The following NCAM2 variants were observed in gnomAD, a reference collection of about 807,000 sequenced individuals.
NCAM2 encodes the protein neural cell adhesion molecule 2.
A neutral mutation model predicts 98.1 loss-of-function variants in NCAM2; 30 were observed. That is an observed-to-expected ratio of 0.31 (90% CI 0.23 to 0.41). The LOEUF (loss-of-function observed/expected upper bound fraction) is 0.41. Ranked by LOEUF, NCAM2 falls within the 10% of genes least tolerant of loss-of-function variation. The probability of loss-of-function intolerance (pLI) is 1.00; values close to 1 mark genes in which losing one functional copy is unlikely to be tolerated. For missense variants in NCAM2, 867 were observed against 1,005.8 expected (o/e 0.86, Z 1.87); for synonymous variants, 368 against 342.4 (o/e 1.07, Z -0.83).
Position 20,998,418 on chromosome 21 carries a change from G to A in NCAM2, c.-146G>A, listed in dbSNP as rs2063956625. 9.3e-6 allele frequency: 6 copies of A among 644,080 alleles called. 1 individual carries two copies. The South Asian group carries it at 1.4e-4, about 15-fold the overall frequency. The allele number at this position is 644,080 out of a possible 1,614,324, so 39.9% of individuals were successfully genotyped here. A position where few individuals can be genotyped will look rare whatever the true frequency, so the allele number is the denominator to read the frequency against. ...AGCGGAGCTTGCAGTCACTTTGCGA[G>A]GAGGAGCGCGCGGGCTGCGGGCGGC... On this transcript the variant is annotated 5_prime_UTR_variant, in exon 1 of 18. Transcript: ENST00000400546.
chr21:21,326,662 A>C (rs2074519065), intron 6 of NCAM2, among the ~76,000 whole-genome samples: 1 of 152,142 alleles, frequency 6.6e-6, no homozygotes, highest in South Asian at 2.1e-4. Flanking sequence ...GAATAATATA[A>C]TGAGTAATTT....
intron 12 of NCAM2, among the ~76,000 whole-genome samples, chr21:21,440,643 G>A (rs557264649): frequency 3.3e-5 from 5 of 150,986 alleles, no homozygotes; most frequent in South Asian, 2.1e-4. Flanking sequence ...ATTGCAGCAC[G>A]GCACTCCAGC....
At chr21:21,298,251 G>A (rs1327020486) in intron 5 of NCAM2, among the ~76,000 whole-genome samples, 1 of 151,802 alleles carries the variant, frequency 6.6e-6, no homozygotes, top group African/African-American at 2.4e-5. Flanking sequence ...GTATGAAAGA[G>A]TGAATTTGTC....
rs200593018 is a variant in NCAM2, at chr21:21,143,130, A to AT, written c.56-137441dup. On this transcript the variant is annotated intron_variant, in intron 1 of 17. Transcript: ENST00000400546. Reference sequence around the variant, plus strand: ...AGTTACTGTTCATCGGGATTTTAACATTTTTTTGTCTCACTGCAAAGGTGT... The same window carrying AT: ...AGTTACTGTTCATCGGGATTTTAACATTTTTTTTGTCTCACTGCAAAGGTGT... Among the ~76,000 whole-genome samples, 42 of 152,168 alleles carry AT rather than the reference A, an allele frequency of 2.8e-4. No homozygotes were observed. The East Asian group carries it at 7.2e-3, about 26-fold the overall frequency.
chr21:21,491,813 T>G (rs1986868743), intron 15 of NCAM2, among the ~76,000 whole-genome samples: 1 of 151,578 alleles, frequency 6.6e-6, no homozygotes, highest in Non-Finnish European at 1.5e-5. Context: ...TATTTCAAAA[T>G]GAAAATTTTA....
intron 12 of NCAM2, among the ~76,000 whole-genome samples, chr21:21,465,986 C>CT (rs1983630576): frequency 6.6e-6 from 1 of 151,922 alleles, no homozygotes; most frequent in South Asian, 2.1e-4. Flanking sequence ...CATATTCTTC[C>CT]TTAGTGTCTT....
At chr21:21,012,205 G>A (rs1406649070) in intron 1 of NCAM2, among the ~76,000 whole-genome samples, 1 of 152,148 alleles carries the variant, frequency 6.6e-6, no homozygotes, top group East Asian at 1.9e-4. Flanking sequence ...TGGAGAACTA[G>A]CAGGATTTAG....
At chr21:21,464,578 A>G (rs905260817) in intron 12 of NCAM2, among the ~76,000 whole-genome samples, 2 of 152,152 alleles carry the variant, frequency 1.3e-5, no homozygotes, top group Admixed American at 6.6e-5. Context: ...AACATTGAGG[A>G]AAAGAATGGA....
At chr21:21,492,394 G>A (rs1454664863) in intron 15 of NCAM2, among the ~76,000 whole-genome samples, 2 of 151,708 alleles carry the variant, frequency 1.3e-5, no homozygotes, top group African/African-American at 2.4e-5. Flanking sequence ...CAACAACCAC[G>A]GTTTCATCCA....
At chr21:21,076,362 G>T (rs1488078572) in intron 1 of NCAM2, among the ~76,000 whole-genome samples, 1 of 152,076 alleles carries the variant, frequency 6.6e-6, no homozygotes, top group Non-Finnish European at 1.5e-5. Context: ...TGAATGCTTT[G>T]CTAGGTAATT....
intron 17 of NCAM2, among the ~76,000 whole-genome samples, chr21:21,535,423 AT>A (rs1989931365): frequency 6.6e-6 from 1 of 152,074 alleles, no homozygotes; most frequent in Non-Finnish European, 1.5e-5. Context: ...ACAAATATTT[AT>A]TTTTGTAACA....
intron 16 of NCAM2, among the ~76,000 whole-genome samples, chr21:21,526,464 A>G (rs1391527528): frequency 6.6e-6 from 1 of 152,118 alleles, no homozygotes; most frequent in Non-Finnish European, 1.5e-5. Flanking sequence ...GTAACTTATG[A>G]TAGAAAATAA....
At chr21:21,044,803 A>C (rs954772325) in intron 1 of NCAM2, among the ~76,000 whole-genome samples, 27 of 1,888 alleles carry the variant, frequency 0.014, no homozygotes, top group Admixed American at 0.05. Context: ...CTGTCTCTAC[A>C]AAAATAAAAA....
At chr21:21,243,342 A>G (rs1000137620) in intron 1 of NCAM2, among the ~76,000 whole-genome samples, 1 of 152,282 alleles carries the variant, frequency 6.6e-6, no homozygotes, top group South Asian at 2.1e-4. Context: ...GTCATAAAAT[A>G]CTATTACATT....
intron 5 of NCAM2, among the ~76,000 whole-genome samples, chr21:21,312,057 A>G (rs1447929479): frequency 6.6e-6 from 1 of 152,158 alleles, no homozygotes; most frequent in Non-Finnish European, 1.5e-5. Context: ...GAGAGCTGAC[A>G]GCGAATTTCC....
At chr21:21,155,589 T>A (rs567514362) in intron 1 of NCAM2, among the ~76,000 whole-genome samples, 12 of 152,044 alleles carry the variant, frequency 7.9e-5, no homozygotes, top group African/African-American at 2.9e-4. Context: ...ATTAATGTTA[T>A]AATGTAATCT....
At chr21:21,227,374 A>G (rs1413464266) in intron 1 of NCAM2, among the ~76,000 whole-genome samples, 1 of 151,872 alleles carries the variant, frequency 6.6e-6, no homozygotes, top group African/African-American at 2.4e-5. Flanking sequence ...TCAAATAAAA[A>G]GATACTTTTT....
intron 5 of NCAM2, among the ~76,000 whole-genome samples, chr21:21,301,370 CT>C (rs67139641): frequency 0.023 from 3,399 of 146,320 alleles, 98 homozygotes; most frequent in East Asian, 0.15. Flanking sequence ...AGTTTGGGGT[CT>C]TTTTTTTTTT....
chr21:21,341,470 A>G (rs564383387), intron 8 of NCAM2, among the ~76,000 whole-genome samples: 1 of 152,300 alleles, frequency 6.6e-6, no homozygotes, highest in East Asian at 1.9e-4. Flanking sequence ...ATCTTAACCA[A>G]TTAGTTGACA....
Sources: allele counts gnomAD v4.1 joint callset (sites outside exome capture counted in the v4.1 genomes callset), GRCh38; gene constraint gnomAD v4.1.1; transcripts MANE v1.5; gene names NCBI Gene and HGNC (gene_info 2026-07-23, HGNC 2026-07-21).